The following HELB variants were observed in gnomAD, a reference collection of about 807,000 sequenced individuals.
HELB encodes the protein DNA helicase B.
In HELB, 96 loss-of-function variants were observed where a neutral mutation model predicts 101.7. The observed-to-expected ratio is 0.94, with a 90% CI of 0.80 to 1.12. The LOEUF is 1.12. Among genes scored for constraint, HELB ranks in the 50% most tolerant of loss-of-function variants. The pLI is 0.00. For missense variants in HELB, 1,210 were observed against 1,291.9 expected (o/e 0.94, Z 0.97); for synonymous variants, 437 against 459.7 (o/e 0.95, Z 0.63).
chr12:66,318,970 T>A (rs1242534502), intron 7 of HELB, among the ~76,000 whole-genome samples, 178 bp downstream of exon 7: 1 of 152,138 alleles, frequency 6.6e-6, no homozygotes, highest in Non-Finnish European at 1.5e-5. Context: ...ACTCTAGAAT[T>A]TGGTAAAGAA....
In HELB at chr12:66,310,068, C is replaced by T. The variant is rs140399926; in HGVS notation, c.1140C>T (p.Val380=). 3.7e-6 allele frequency: 6 copies of T among 1,613,990 alleles called. No individual in the cohort carries two copies. In the African/African-American group the frequency reaches 5.3e-5, roughly 14 times the overall value. Residue 380 remains valine, a synonymous_variant, in exon 4 of 13, where the codon GTC becomes GTT. Transcript: ENST00000247815. ...LMKKPPWHLC[V]DVEKVLASIH... ...AGAAACCTCCTTGGCATTTATGTGT[C>T]GATGTCGAAAAGGTGCTTGCCTCTA...
At chr12:66,342,689 CTT>C (rs2053926661), downstream of HELB, 1 of 132,872 alleles carries the variant, frequency 7.5e-6, no homozygotes, top group Non-Finnish European at 1.6e-5. Flanking sequence ...ATTCATGCCT[CTT>C]TTTTCTTTTT....
intron 3 of HELB, 90 bp downstream of exon 3, chr12:66,306,604 A>T: frequency 2.3e-6 from 2 of 864,696 alleles, no homozygotes; most frequent in Non-Finnish European, 3.4e-6. Flanking sequence ...AAAGGAAAAA[A>T]ATTTGTGTGG....
intron 9 of HELB, 55 bp downstream of exon 9, chr12:66,322,838 G>GT (rs34997562): frequency 0.062 from 54,128 of 868,332 alleles, 7 homozygotes; most frequent in South Asian, 0.09. Flanking sequence ...CGATTTGCTG[G>GT]TTTTTTTTTT....
At chr12:66,322,553 G>A (rs1470072864) in intron 8 of HELB, among the ~76,000 whole-genome samples, 171 bp from the exon 9 acceptor site, 3 of 115,884 alleles carry the variant, frequency 2.6e-5, no homozygotes, top group East Asian at 2.2e-4. Flanking sequence ...CAACAAGAGC[G>A]AGACGCTGTC....
chr12:66,309,284 A>G (rs1004824424), intron 3 of HELB, among the ~76,000 whole-genome samples: 1 of 152,214 alleles, frequency 6.6e-6, no homozygotes, highest in Non-Finnish European at 1.5e-5. Context: ...ATAGAGATAG[A>G]CTTTCCATAG....
At position 66,331,588 on chromosome 12, in the gene HELB, A is replaced by G. The variant is rs1225236558; in HGVS notation, c.3105A>G (p.Arg1035=). Reference sequence around the variant, plus strand: ...CAGATGATGATTTACCAAAATCGCGAGCATCCAAAAGAACCTGTGGTGTGA... The same window carrying G: ...CAGATGATGATTTACCAAAATCGCGGGCATCCAAAAGAACCTGTGGTGTGA... ...VDTDDDLPKS[R]ASKRTCGVND... is the part of the protein sequence containing the mutation. The change falls in exon 12 of 13, where the codon CGA becomes CGG. Residue 1035 remains arginine, a synonymous_variant. Coordinates refer to ENST00000247815, the MANE Select transcript of HELB (RefSeq NM_001370285.1). 6.2e-6 allele frequency: 10 copies of G among 1,611,964 alleles called. No homozygotes were observed. The highest frequency in any genetic ancestry group is 1.1e-5 in the South Asian group (1 of 91,054).
At chr12:66,305,827 G>A (rs2053468846) in intron 2 of HELB, among the ~76,000 whole-genome samples, 1 of 151,982 alleles carries the variant, frequency 6.6e-6, no homozygotes, top group African/African-American at 2.4e-5. Flanking sequence ...AATACATTTA[G>A]GAAATACTTC....
intron 11 of HELB, among the ~76,000 whole-genome samples, chr12:66,329,325 A>G (rs1038728159): frequency 2.0e-5 from 3 of 152,180 alleles, no homozygotes; most frequent in Non-Finnish European, 4.4e-5. Context: ...AAGAACAGTG[A>G]GTAGGATAAA....
chr12:66,326,461 T>G (rs1025102198), intron 11 of HELB, among the ~76,000 whole-genome samples: 3 of 151,988 alleles, frequency 2.0e-5, no homozygotes, highest in Non-Finnish European at 2.9e-5. Context: ...CAGGCTGGTC[T>G]CGAACTCCTG....
At chr12:66,332,319 A>T (rs1452515130) in intron 12 of HELB, among the ~76,000 whole-genome samples, 1 of 152,000 alleles carries the variant, frequency 6.6e-6, no homozygotes, top group Non-Finnish European at 1.5e-5. Flanking sequence ...TCTTGTTCCC[A>T]TTCTCGTAAT....
Position 66,321,944 on chromosome 12 carries a change from T to C in HELB, c.2156-4T>C. 4 of 1,028,888 alleles carry C rather than the reference T, an allele frequency of 3.9e-6. No individual in the cohort carries two copies. The highest frequency in any genetic ancestry group is 5.9e-6 in the Non-Finnish European group (4 of 679,514). 63.7% of individuals were successfully genotyped at this position (1,028,888 alleles called of 1,614,324 possible). The stretch of plus-strand genomic sequence containing the variant: ...GTGTTAACTTTTTTCTCTTGAATTA[T>C]TAGGTTTATATTCTGCAGTTAAAAC... On this transcript the variant is annotated splice_region_variant and splice_polypyrimidine_tract_variant and intron_variant, in intron 7 of 12. Coordinates refer to ENST00000247815, the MANE Select transcript of HELB (RefSeq NM_001370285.1).
downstream of HELB, chr12:66,339,000 A>G (rs2053896967): frequency 6.6e-6 from 1 of 152,178 alleles, no homozygotes; most frequent in Non-Finnish European, 1.5e-5. Context: ...TGATTTTTAA[A>G]TTTTTATTTA....
chr12:66,304,250 G>A (rs868400905), intron 1 of HELB, among the ~76,000 whole-genome samples: 1 of 152,074 alleles, frequency 6.6e-6, no homozygotes, highest in African/African-American at 2.4e-5. Flanking sequence ...ATAGTGCTTT[G>A]AGAGGTTTTA....
chr12:66,338,198 A>G lies in HELB; in HGVS notation c.*96A>G. On this transcript the variant is annotated 3_prime_UTR_variant, in exon 13 of 13. Transcript: ENST00000247815. ...TACCAAGATAAAAAAAGTTTCCTATAACTGGAGTTTTAAGGTATTTGTGTT... is the reference window on the plus strand; with the variant it reads ...TACCAAGATAAAAAAAGTTTCCTATGACTGGAGTTTTAAGGTATTTGTGTT... The G allele has an allele frequency of 1.4e-6, 1 of 740,216 alleles. No homozygotes were observed. The highest frequency in any genetic ancestry group is 2.3e-6 in the Non-Finnish European group (1 of 426,188). The allele number at this position is 740,216 out of a possible 1,614,324, so 45.9% of individuals were successfully genotyped here.
intron 4 of HELB, among the ~76,000 whole-genome samples, chr12:66,311,884 A>G (rs933375400): frequency 2.0e-5 from 3 of 152,200 alleles, no homozygotes; most frequent in Non-Finnish European, 4.4e-5. Flanking sequence ...TGAAGAAGGT[A>G]ATCATTGAAT....
intron 3 of HELB, 45 bp downstream of exon 3, chr12:66,306,559 A>T: frequency 1.5e-6 from 2 of 1,375,316 alleles, no homozygotes; most frequent in African/African-American, 1.5e-5. Context: ...TGTGTAAGGC[A>T]TGGTTTCAGA....
rs780658655 is a variant in HELB at position 66,337,984 on chromosome 12, T to G, written c.3163-17T>G. The G allele has an allele frequency of 8.6e-6, 12 of 1,399,576 alleles. No homozygotes were observed. The South Asian group carries it at 1.4e-4, about 17-fold the overall frequency. The allele number at this position is 1,399,576 out of a possible 1,614,324, so 86.7% of individuals were successfully genotyped here. ...ATTTTTACAAAATTAACTTTGTTAT[T>G]TTAATTGTTCTAACAGGTGGGAGAA... On this transcript the variant is annotated splice_polypyrimidine_tract_variant and intron_variant, in intron 12 of 12. Coordinates refer to ENST00000247815, the MANE Select transcript of HELB (RefSeq NM_001370285.1).
At chr12:66,323,428 T>C (rs1452587679) in intron 9 of HELB, among the ~76,000 whole-genome samples, 1 of 152,102 alleles carries the variant, frequency 6.6e-6, no homozygotes, top group Non-Finnish European at 1.5e-5. Context: ...CCCACGTCTA[T>C]AAAAGCGGGT....
Sources: gnomAD v4.1 joint callset for allele counts (sites outside exome capture counted in the v4.1 genomes callset) on GRCh38, gnomAD v4.1.1 for gene constraint, MANE v1.5 for transcripts, NCBI Gene and HGNC (gene_info 2026-07-23, HGNC 2026-07-21) for gene names.